Variants in KPNA6 observed in about 807,000 individuals in gnomAD.
KPNA6 encodes the protein karyopherin subunit alpha 6, also known as importin subunit alpha-7.
Under a neutral mutation model 72.0 loss-of-function variants are expected in KPNA6, and 9 were observed. The ratio of observed to expected loss-of-function variants is 0.13; its 90% confidence interval spans 0.08 to 0.22. KPNA6 has a LOEUF of 0.22. Ranked by LOEUF, KPNA6 falls within the 10% of genes least tolerant of loss-of-function variation. The pLI, the probability that KPNA6 is intolerant of heterozygous loss-of-function variation, is 1.00. For synonymous variants in KPNA6, 219 were observed against 242.1 expected (o/e 0.90, Z 0.89); for missense variants, 374 against 655.7 (o/e 0.57, Z 4.69).
chr1:32,145,765 A>G (rs913182674), intron 1 of KPNA6, among the ~76,000 whole-genome samples: 2 of 152,176 alleles, frequency 1.3e-5, no homozygotes, highest in African/African-American at 4.8e-5. Flanking sequence ...TGGACTCTCA[A>G]TTCTATTCTG....
intron 1 of KPNA6, among the ~76,000 whole-genome samples, chr1:32,130,705 G>A (rs1641621870): frequency 6.6e-6 from 1 of 151,444 alleles, no homozygotes; most frequent in Non-Finnish European, 1.5e-5. Context: ...TGAATCACTT[G>A]AACCCCAAGA....
At chr1:32,168,857 T>C (rs1278078152) in intron 12 of KPNA6, among the ~76,000 whole-genome samples, 2 of 152,170 alleles carry the variant, frequency 1.3e-5, no homozygotes, top group Non-Finnish European at 2.9e-5. Flanking sequence ...TGTTGTGCCA[T>C]AGAATTTGGA....
chr1:32,147,381 T>G (rs1041675890), intron 1 of KPNA6, among the ~76,000 whole-genome samples: 2 of 152,200 alleles, frequency 1.3e-5, no homozygotes, highest in Non-Finnish European at 2.9e-5. Context: ...AGCATCAACC[T>G]CCTGTGCTCA....
intron 1 of KPNA6, among the ~76,000 whole-genome samples, chr1:32,153,451 G>T (rs1168954207): frequency 1.2e-4 from 18 of 151,370 alleles, no homozygotes; most frequent in Admixed American, 1.2e-3. Context: ...GGCACCTGTA[G>T]TCCCAGCTAC....
Position 32,164,295 on chromosome 1 carries a change from C to T in KPNA6, c.990+982C>T, listed in dbSNP as rs375921328. Among the ~76,000 whole-genome samples the T allele has an allele frequency of 5.4e-4, 83 of 152,334 alleles. 1 individual carries two copies. Among genetic ancestry groups the T allele is most frequent in the African/African-American group, 1.4e-3 (60 of 41,580 alleles). On this transcript the variant is annotated intron_variant, in intron 10 of 13. Transcript: ENST00000373625. ...TATATACCATATTTTATTTATCCAT[C>T]AATAGACATTTGGGTTGTTTCCACC...
chr1:32,169,613 A>AT (rs77371621), intron 12 of KPNA6, among the ~76,000 whole-genome samples: 12,944 of 129,640 alleles, frequency 0.1, 1,018 homozygotes, highest in East Asian at 0.47. Context: ...CACCTGGCCA[A>AT]TTTTTTTTTT....
At chr1:32,166,575 A>T (rs1642342513) in intron 11 of KPNA6, among the ~76,000 whole-genome samples, 1 of 147,610 alleles carries the variant, frequency 6.8e-6, no homozygotes, top group Admixed American at 6.9e-5. Context: ...CAGTGAGCTG[A>T]GATCACGCCA....
rs1312252958 is a variant in KPNA6 at position 32,114,450 on chromosome 1, A to AT, written c.4+6316_4+6317insT. On this transcript the variant is annotated intron_variant, in intron 1 of 13. Coordinates refer to ENST00000373625, the MANE Select transcript of KPNA6 (RefSeq NM_012316.5). ...GAACGAAACTCTGTCTCAAAAAAAA[A>AT]AATATATATATATATATATATATTC... Among the ~76,000 whole-genome samples, 265 of 147,406 alleles carry AT rather than the reference A, an allele frequency of 1.8e-3. 1 individual carries two copies. The highest frequency in any genetic ancestry group is 4.3e-3 in the Admixed American group (63 of 14,536).
chr1:32,113,252 G>A (rs974995166), intron 1 of KPNA6, among the ~76,000 whole-genome samples: 1 of 151,968 alleles, frequency 6.6e-6, no homozygotes, highest in African/African-American at 2.4e-5. Context: ...AATTAGCTGG[G>A]TGTGGTGGCG....
chr1:32,159,464 T>C lies in KPNA6; in HGVS notation c.491T>C (p.Ile164Thr). 6.2e-7 allele frequency: 1 copy of C among 1,614,184 alleles called. No homozygotes were observed. ...SGTSQQTKIV[I>T]EAGAVPIFIE... ...ACCTCTCAGCAGACCAAAATTGTCATTGAAGCAGGGGCTGTCCCCATTTTT... is the reference window on the plus strand; with the variant it reads ...ACCTCTCAGCAGACCAAAATTGTCACTGAAGCAGGGGCTGTCCCCATTTTT... Residue 164 changes from isoleucine to threonine, a missense_variant, in exon 6 of 14, where the codon ATT (isoleucine) becomes ACT (threonine). Physicochemically the swap from Ile to Thr is moderately conservative, Grantham distance 89. This residue lies in a region of KPNA6 where 298 missense variants were observed against 495.4 expected (regional missense o/e 0.60). Transcript: ENST00000373625.
chr1:32,150,009 A>G (rs890960760), intron 1 of KPNA6, among the ~76,000 whole-genome samples: 3 of 151,252 alleles, frequency 2.0e-5, no homozygotes, highest in Non-Finnish European at 2.9e-5. Flanking sequence ...GATTTTATCT[A>G]TCGCTGCTTT....
intron 1 of KPNA6, 34 bp downstream of exon 1, chr1:32,108,168 G>A: frequency 6.2e-7 from 1 of 1,613,818 alleles, no homozygotes; most frequent in Middle Eastern, 1.7e-4. Flanking sequence ...GGGTTCTTGG[G>A]CTCAGGGAGT....
Position 32,108,103 on chromosome 1 carries a change from C to T in KPNA6, c.-28C>T, listed in dbSNP as rs780811371. ...GCTGAAGCTGCCGCCGTTGCCTCCG[C>T]CGCCAAGAGTGAGCGAGCGGACCCG... On this transcript the variant is annotated 5_prime_UTR_variant, in exon 1 of 14. Coordinates refer to ENST00000373625, the MANE Select transcript of KPNA6 (RefSeq NM_012316.5). 6.2e-6 allele frequency: 10 copies of T among 1,613,998 alleles called. No individual in the cohort carries two copies. The highest frequency in any genetic ancestry group is 3.3e-5 in the Admixed American group (2 of 60,020).
At position 32,172,568 on chromosome 1, in the gene KPNA6, C is replaced by T. The variant is rs1642457479; in HGVS notation, c.*1674C>T. 6.7e-6 allele frequency: 1 copy of T among 148,336 alleles called. No homozygotes were observed. Among genetic ancestry groups the T allele is most frequent in the Non-Finnish European group, 1.5e-5 (1 of 67,544 alleles). The allele number at this position is 148,336 out of a possible 1,614,324, so 9.2% of individuals were successfully genotyped here. ...GATCCTTGTACCTGGTTTGGGTTTT[C>T]CCTTCCTTGTGACAATTATAATCCA... On this transcript the variant is annotated 3_prime_UTR_variant, in exon 14 of 14. Transcript: ENST00000373625.
chr1:32,113,608 A>G (rs916669273), intron 1 of KPNA6, among the ~76,000 whole-genome samples: 1 of 152,120 alleles, frequency 6.6e-6, no homozygotes, highest in African/African-American at 2.4e-5. Flanking sequence ...ATGCACCACC[A>G]TGCCCGGCTA....
chr1:32,128,626 CTTA>C (rs1192592399), intron 1 of KPNA6, among the ~76,000 whole-genome samples: 1 of 151,580 alleles, frequency 6.6e-6, no homozygotes, highest in Non-Finnish European at 1.5e-5. Context: ...TATGAGCAGC[CTTA>C]TTATGGTCCC....
chr1:32,111,668 A>G (rs1408101271), intron 1 of KPNA6, among the ~76,000 whole-genome samples: 1 of 152,192 alleles, frequency 6.6e-6, no homozygotes, highest in African/African-American at 2.4e-5. Context: ...TGGAGACACT[A>G]ACACAGCCTG....
intron 2 of KPNA6, 90 bp downstream of exon 2, chr1:32,154,811 GA>G: frequency 7.1e-7 from 1 of 1,409,106 alleles, no homozygotes; most frequent in Non-Finnish European, 9.8e-7. Context: ...TTGCCCTGTA[GA>G]AAAGTAGCTT....
At chr1:32,136,461 C>G (rs1181920220) in intron 1 of KPNA6, among the ~76,000 whole-genome samples, 1 of 151,992 alleles carries the variant, frequency 6.6e-6, no homozygotes, top group Non-Finnish European at 1.5e-5. Flanking sequence ...GATGTGAGCC[C>G]TGCCTTTAGC....
Sources: allele counts gnomAD v4.1 joint callset (sites outside exome capture counted in the v4.1 genomes callset), GRCh38; gene constraint gnomAD v4.1.1; regional missense constraint gnomAD v4.1.1; transcripts MANE v1.5; gene names NCBI Gene and HGNC (gene_info 2026-07-23, HGNC 2026-07-21).